The following MERTK variants were observed in gnomAD, a reference collection of about 807,000 sequenced individuals.
The protein encoded by MERTK is MER proto-oncogene, tyrosine kinase, also known as tyrosine-protein kinase Mer.
A neutral mutation model predicts 99.3 loss-of-function variants in MERTK; 69 were observed. That is an observed-to-expected ratio of 0.70 (90% CI 0.57 to 0.85). The LOEUF (loss-of-function observed/expected upper bound fraction) is 0.85, where lower values mean the gene tolerates loss of function less well. Among genes scored for constraint, MERTK ranks in the 40% least tolerant of loss-of-function variants. MERTK has a pLI of 0.00. For missense variants in MERTK, 1,125 were observed against 1,249.4 expected (o/e 0.90, Z 1.50); for synonymous variants, 426 against 467.6 (o/e 0.91, Z 1.15).
intron 2 of MERTK, chr2:111,940,874 C>G (rs1684852980): frequency 1.3e-6 from 1 of 750,982 alleles, no homozygotes; most frequent in African/African-American, 1.7e-5. Flanking sequence ...TCGGGCCAGT[C>G]ACTGCTGTGG....
intron 1 of MERTK, among the ~76,000 whole-genome samples, chr2:111,906,254 A>T (rs1315536379): frequency 2.6e-5 from 4 of 152,100 alleles, no homozygotes; most frequent in Non-Finnish European, 4.4e-5. Flanking sequence ...TTCTTTGAGG[A>T]TCTAGATACC....
chr2:111,940,541 G>T (rs1157005219), intron 2 of MERTK: 1 of 614,926 alleles, frequency 1.6e-6, no homozygotes, highest in Admixed American at 1.9e-5. Context: ...ACTGCATCCT[G>T]TGTCAGGTGC....
At chr2:111,928,954 G>GC (rs201491359) in intron 1 of MERTK, among the ~76,000 whole-genome samples, 166 bp from the exon 2 acceptor site, 2,540 of 152,268 alleles carry the variant, frequency 0.017, 36 homozygotes, top group Admixed American at 0.056. Flanking sequence ...GAATGAACTG[G>GC]TGAATAAGAA....
intron 1 of MERTK, among the ~76,000 whole-genome samples, chr2:111,918,805 C>A (rs1398555041): frequency 6.6e-6 from 1 of 152,088 alleles, no homozygotes; most frequent in Non-Finnish European, 1.5e-5. Flanking sequence ...TGCATTGTTT[C>A]ACGTGCAATA....
rs1264205096 is a variant in MERTK, at chr2:111,898,633, CGGACAG to C, written c.-99_-94del. On this transcript the variant is annotated 5_prime_UTR_variant, in exon 1 of 19. Transcript: ENST00000295408. ...CTCGGCACTCACTGCCCGGGCCGCCCGGACAGGGAGCTTCGCTGGCGCGCTTGGCCG... is the reference window on the plus strand; with the variant it reads ...CTCGGCACTCACTGCCCGGGCCGCCCGGAGCTTCGCTGGCGCGCTTGGCCG... The C allele has an allele frequency of 3.2e-5, 45 of 1,412,120 alleles. No individual in the cohort carries two copies. Among genetic ancestry groups the C allele is most frequent in the Non-Finnish European group, 4.3e-5 (44 of 1,024,120 alleles). The allele number at this position is 1,412,120 out of a possible 1,614,324, so 87.5% of individuals were successfully genotyped here.
chr2:111,945,914 C>T (rs1684953737), intron 3 of MERTK, among the ~76,000 whole-genome samples: 1 of 152,246 alleles, frequency 6.6e-6, no homozygotes, highest in Non-Finnish European at 1.5e-5. Context: ...TAGGTCACCT[C>T]CCTTTTCTAC....
At chr2:111,907,856 G>A (rs1382685056) in intron 1 of MERTK, among the ~76,000 whole-genome samples, 1 of 152,186 alleles carries the variant, frequency 6.6e-6, no homozygotes, top group Non-Finnish European at 1.5e-5. Context: ...TCATGACAGG[G>A]GTTCTCAAGA....
At chr2:111,957,210 T>C (rs1182385368) in intron 4 of MERTK, among the ~76,000 whole-genome samples, 1 of 151,846 alleles carries the variant, frequency 6.6e-6, no homozygotes, top group Non-Finnish European at 1.5e-5. Context: ...TGTGAGCCAC[T>C]GCGCCCGGCG....
At chr2:111,944,226 G>C (rs1684915858) in intron 2 of MERTK, among the ~76,000 whole-genome samples, 1 of 150,240 alleles carries the variant, frequency 6.7e-6, no homozygotes. Context: ...CTTGAACCCA[G>C]GAGGCAGATG....
At chr2:111,947,635 C>T (rs543249724) in intron 4 of MERTK, 68 bp downstream of exon 4, 1 of 1,570,580 alleles carries the variant, frequency 6.4e-7, no homozygotes, top group African/African-American at 1.3e-5. Context: ...TTTGGCGACC[C>T]TTGCTGTGCA....
At chr2:111,994,454 T>C in intron 9 of MERTK, 50 bp downstream of exon 9, 1 of 1,610,402 alleles carries the variant, frequency 6.2e-7, no homozygotes, top group Non-Finnish European at 8.5e-7. Flanking sequence ...GTCCAGGCAG[T>C]GCACAGATTG....
chr2:111,991,603 CA>C lies in MERTK; in HGVS notation c.1297-2640del, dbSNP rs545545309. 8.6e-5 allele frequency among the ~76,000 whole-genome samples: 13 copies of C among 151,716 alleles called. No homozygotes were observed. In the South Asian group the frequency reaches 2.5e-3, roughly 29 times the overall value. ...ATTATTAATTTGTTCACTTAATTAA[CA>C]AAAAAAAGTCTATGGCAAATCTCAT... On this transcript the variant is annotated intron_variant, in intron 8 of 18. Coordinates refer to ENST00000295408, the MANE Select transcript of MERTK (RefSeq NM_006343.3).
chr2:111,926,794 T>C (rs4468823), intron 1 of MERTK, among the ~76,000 whole-genome samples: 94,257 of 152,140 alleles, frequency 0.62, 29,567 homozygotes, highest in Middle Eastern at 0.69. Context: ...GCTCTGCAGG[T>C]ATGAGACAAA....
At chr2:111,997,194 T>C (rs766151700) in intron 9 of MERTK, 129 bp from the exon 10 acceptor site, 1 of 1,095,290 alleles carries the variant, frequency 9.1e-7, no homozygotes. Context: ...AAGTGAGACC[T>C]GCCTATATTT....
chr2:112,008,441 A>T lies in MERTK; in HGVS notation c.1926A>T (p.Lys642Asn). 1 of 1,614,176 alleles carries T rather than the reference A, an allele frequency of 6.2e-7. No homozygotes were observed. The highest frequency in any genetic ancestry group is 8.5e-7 in the Non-Finnish European group (1 of 1,180,020). ...TTCTCAGTGAGGCAGCGTGCATGAA[A>T]GACTTCAGCCACCCAAATGTCATTC... ...EEFLSEAACM[K>N]DFSHPNVIRL... The change falls in exon 14 of 19, where the codon AAA (lysine) becomes AAT (asparagine). Residue 642 changes from lysine to asparagine, a missense_variant. Lys to Asn is a moderately conservative substitution (Grantham distance 94). Coordinates refer to ENST00000295408, the MANE Select transcript of MERTK (RefSeq NM_006343.3).
At chr2:112,005,484 T>A (rs1238542778) in intron 13 of MERTK, among the ~76,000 whole-genome samples, 1 of 152,228 alleles carries the variant, frequency 6.6e-6, no homozygotes, top group Non-Finnish European at 1.5e-5. Flanking sequence ...ATGACCAGAT[T>A]TCACTGGCAG....
At chr2:111,930,796 G>A (rs1000432282) in intron 2 of MERTK, among the ~76,000 whole-genome samples, 5 of 152,122 alleles carry the variant, frequency 3.3e-5, no homozygotes, top group Admixed American at 6.6e-5. Context: ...TGCTGCAGAC[G>A]GGCAGGTAGA....
At position 112,029,270 on chromosome 2, in the gene MERTK, G is replaced by T; in HGVS notation, c.*406G>T. ...AATGCCATATTTGACTTGGCTTCTGGTCTTGATGTATTTGATAAGAATGAT... is the reference window on the plus strand; with the variant it reads ...AATGCCATATTTGACTTGGCTTCTGTTCTTGATGTATTTGATAAGAATGAT... On this transcript the variant is annotated 3_prime_UTR_variant, in exon 19 of 19. Transcript: ENST00000295408. 7.2e-6 allele frequency: 7 copies of T among 975,356 alleles called. No homozygotes were observed. Among genetic ancestry groups the T allele is most frequent in the Non-Finnish European group, 8.6e-6 (7 of 815,928 alleles). The allele number at this position is 975,356 out of a possible 1,614,324, so 60.4% of individuals were successfully genotyped here. A position where few individuals can be genotyped will look rare whatever the true frequency, so the allele number is the denominator to read the frequency against.
chr2:111,924,090 C>A (rs373433630), intron 1 of MERTK, among the ~76,000 whole-genome samples: 1 of 152,138 alleles, frequency 6.6e-6, no homozygotes, highest in East Asian at 1.9e-4. Context: ...TTGTGCAGTA[C>A]GAGCCTCACC....
Sources: allele counts gnomAD v4.1 joint callset (sites outside exome capture counted in the v4.1 genomes callset), GRCh38; gene constraint gnomAD v4.1.1; transcripts MANE v1.5; gene names NCBI Gene and HGNC (gene_info 2026-07-23, HGNC 2026-07-21).